The following CSMD1 variants were observed in gnomAD, a reference collection of about 807,000 sequenced individuals.
CSMD1 encodes CUB and Sushi multiple domains 1.
CSMD1 carries 213 observed loss-of-function variants against 417.5 expected under a neutral mutation model. That is an observed-to-expected ratio of 0.51 (90% CI 0.46 to 0.57). CSMD1 has a LOEUF of 0.57. Ranked by LOEUF, CSMD1 falls within the 20% of genes least tolerant of loss-of-function variation. The probability of loss-of-function intolerance (pLI) is 0.00; values close to 1 mark genes in which losing one functional copy is unlikely to be tolerated. For missense variants in CSMD1, 6,923 were observed against 4,529.7 expected, an observed-to-expected ratio of 1.53 and a Z score of -15.17; for synonymous variants, 2,862 against 1,736.8, an observed-to-expected ratio of 1.65 and a Z score of -16.11.
chr8:4,418,728 C>G (rs1028934166), intron 3 of CSMD1, among the ~76,000 whole-genome samples: 3 of 152,120 alleles, frequency 2.0e-5, no homozygotes, highest in Non-Finnish European at 4.4e-5. Context: ...ACAATCAAAA[C>G]TGAAAGCTAA....
chr8:3,964,070 G>C (rs1381958616), intron 5 of CSMD1, among the ~76,000 whole-genome samples: 2 of 152,180 alleles, frequency 1.3e-5, no homozygotes. Flanking sequence ...TGAGGTGCTT[G>C]CTTGAATAAC....
rs578215250 is a variant in CSMD1 at position 3,923,476 on chromosome 8, G to A, written c.818+74427C>T. Among the ~76,000 whole-genome samples the A allele has an allele frequency of 3.9e-5, 6 of 152,072 alleles. No homozygotes were observed. In the East Asian group the frequency reaches 9.7e-4, roughly 24 times the overall value. On this transcript the variant is annotated intron_variant, in intron 5 of 69. Transcript: ENST00000635120. Reference sequence around the variant, plus strand: ...TATATCTGCATTGCCATTTATGTGGGACATGTTTACCCTTAAAGGTATTGT... The same window carrying A: ...TATATCTGCATTGCCATTTATGTGGAACATGTTTACCCTTAAAGGTATTGT...
chr8:4,189,471 A>G (rs539810009), intron 3 of CSMD1, among the ~76,000 whole-genome samples: 57 of 152,362 alleles, frequency 3.7e-4, no homozygotes, highest in African/African-American at 1.3e-3. Context: ...AAAGAAAAAC[A>G]AAATTTTTCC....
intron 5 of CSMD1, among the ~76,000 whole-genome samples, chr8:3,992,538 C>G (rs192514944): frequency 7.2e-5 from 11 of 152,246 alleles, no homozygotes; most frequent in African/African-American, 2.2e-4. Context: ...TAATTCCACA[C>G]TTTGGGAGGC....
chr8:3,412,157 T>TATATATAC (rs536159054), intron 12 of CSMD1, among the ~76,000 whole-genome samples: 1 of 107,358 alleles, frequency 9.3e-6, no homozygotes, highest in African/African-American at 3.5e-5. Context: ...TATACACACG[T>TATATATAC]ATATATACAT....
intron 12 of CSMD1, among the ~76,000 whole-genome samples, chr8:3,455,208 G>C (rs1001300959): frequency 2.6e-5 from 4 of 152,082 alleles, no homozygotes; most frequent in Non-Finnish European, 5.9e-5. Context: ...TAGTTAGCCA[G>C]TCGTCTAATT....
At chr8:4,833,588 G>C (rs1397482617) in intron 1 of CSMD1, among the ~76,000 whole-genome samples, 1 of 152,178 alleles carries the variant, frequency 6.6e-6, no homozygotes. Flanking sequence ...TCCAAATGGA[G>C]CACACGATTT....
Position 4,761,622 on chromosome 8 carries a change from T to C in CSMD1, c.86-124064A>G, listed in dbSNP as rs561250971. Among the ~76,000 whole-genome samples, 14 of 152,160 alleles carry C rather than the reference T, an allele frequency of 9.2e-5. No individual in the cohort carries two copies. The South Asian group carries it at 2.5e-3, about 27-fold the overall frequency. On this transcript the variant is annotated intron_variant, in intron 1 of 69. Coordinates refer to ENST00000635120, the MANE Select transcript of CSMD1 (RefSeq NM_033225.6). ...ATTATAAACCATTTATCTTTAACAC[T>C]CCCAAATGAAATCATTATAATTCAG... is the stretch of plus-strand genomic sequence containing the variant.
intron 3 of CSMD1, among the ~76,000 whole-genome samples, chr8:4,149,162 C>A (rs1430389471): frequency 6.6e-5 from 10 of 152,024 alleles, no homozygotes; most frequent in Non-Finnish European, 1.5e-5. Context: ...CAGGGTTTTC[C>A]CATGTTGGCT....
At chr8:4,660,496 A>C (rs544651573) in intron 1 of CSMD1, among the ~76,000 whole-genome samples, 2 of 152,228 alleles carry the variant, frequency 1.3e-5, no homozygotes, top group Non-Finnish European at 1.5e-5. Flanking sequence ...ATCCTAACCC[A>C]ACTTTTGCAG....
chr8:3,861,288 C>T (rs531684437), intron 5 of CSMD1, among the ~76,000 whole-genome samples: 1 of 152,298 alleles, frequency 6.6e-6, no homozygotes, highest in East Asian at 1.9e-4. Context: ...ATCATTAAAC[C>T]TTCCTTTGTC....
chr8:3,641,953 C>G (rs1220293869), intron 7 of CSMD1, among the ~76,000 whole-genome samples: 1 of 152,130 alleles, frequency 6.6e-6, no homozygotes, highest in African/African-American at 2.4e-5. Context: ...GAGTGAATCC[C>G]TGACACAGAT....
At chr8:4,108,987 T>C (rs1801714152) in intron 3 of CSMD1, among the ~76,000 whole-genome samples, 1 of 152,206 alleles carries the variant, frequency 6.6e-6, no homozygotes, top group African/African-American at 2.4e-5. Context: ...TTCCGAATTA[T>C]CTGGAAAGGA....
chr8:4,143,358 T>C (rs1803909127), intron 3 of CSMD1, among the ~76,000 whole-genome samples: 1 of 124,032 alleles, frequency 8.1e-6, no homozygotes, highest in African/African-American at 3.2e-5. Context: ...TGAAATATAA[T>C]GACGTCTTAT....
intron 5 of CSMD1, among the ~76,000 whole-genome samples, chr8:3,765,860 G>A (rs1407894127): frequency 6.6e-6 from 1 of 152,216 alleles, no homozygotes; most frequent in African/African-American, 2.4e-5. Context: ...GGAGAAAGAG[G>A]AGGATGACAG....
At chr8:3,148,774 T>C (rs1819007841) in intron 40 of CSMD1, among the ~76,000 whole-genome samples, 1 of 152,172 alleles carries the variant, frequency 6.6e-6, no homozygotes, top group African/African-American at 2.4e-5. Flanking sequence ...GTTGACCACG[T>C]TAGAGGACAC....
At chr8:4,945,239 C>A (rs1036280771) in intron 1 of CSMD1, among the ~76,000 whole-genome samples, 5 of 152,000 alleles carry the variant, frequency 3.3e-5, no homozygotes, top group East Asian at 1.9e-4. Context: ...TTGCCAGAGG[C>A]TGTGGAAGGG....
At chr8:3,708,589 C>G in intron 6 of CSMD1, 98 bp from the exon 7 acceptor site, 2 of 909,374 alleles carry the variant, frequency 2.2e-6, no homozygotes, top group South Asian at 1.4e-5. Flanking sequence ...TGCTTTCTAT[C>G]AACCCCCGAA....
chr8:4,675,735 G>C (rs773366299), intron 1 of CSMD1, among the ~76,000 whole-genome samples: 23 of 152,096 alleles, frequency 1.5e-4, no homozygotes, highest in Admixed American at 5.2e-4. Flanking sequence ...CTATTCATCT[G>C]TACTCCCTTA....
Sources: gnomAD v4.1 joint callset for allele counts (sites outside exome capture counted in the v4.1 genomes callset) on GRCh38, gnomAD v4.1.1 for gene constraint, MANE v1.5 for transcripts, NCBI Gene and HGNC (gene_info 2026-07-23, HGNC 2026-07-21) for gene names.